GADL1: variants seen among roughly 807,000 people sequenced by gnomAD.
The protein encoded by GADL1 is acidic amino acid decarboxylase GADL1.
Under a neutral mutation model 69.5 loss-of-function variants are expected in GADL1, and 71 were observed. The ratio of observed to expected loss-of-function variants is 1.02; its 90% confidence interval spans 0.84 to 1.25. The LOEUF (loss-of-function observed/expected upper bound fraction) is 1.25. Ranked by LOEUF, GADL1 falls within the 50% of genes most tolerant of loss-of-function variation. The pLI is 0.00. For synonymous variants in GADL1, 254 were observed against 214.4 expected, an observed-to-expected ratio of 1.18 and a Z score of -1.62; for missense variants, 737 against 631.8, an observed-to-expected ratio of 1.17 and a Z score of -1.79.
At chr3:30,820,345 A>G (rs546997233) in intron 11 of GADL1, among the ~76,000 whole-genome samples, 1 of 152,168 alleles carries the variant, frequency 6.6e-6, no homozygotes, top group East Asian at 1.9e-4. Context: ...TGTTTACCGA[A>G]CATATTTTTG....
At chr3:30,856,919 C>A in intron 3 of GADL1, 96 bp downstream of exon 3, 1 of 968,540 alleles carries the variant, frequency 1.0e-6, no homozygotes, top group Non-Finnish European at 1.5e-6. Context: ...CCAGATTTCT[C>A]GTTCCATAAG....
chr3:30,789,171 C>T (rs1241028472), intron 12 of GADL1, among the ~76,000 whole-genome samples: 2 of 152,212 alleles, frequency 1.3e-5, no homozygotes, highest in Non-Finnish European at 2.9e-5. Flanking sequence ...GTCTAAATTA[C>T]TCCTTGATCC....
intron 14 of GADL1, among the ~76,000 whole-genome samples, chr3:30,751,715 G>T (rs1695823693): frequency 6.6e-6 from 1 of 152,132 alleles, no homozygotes; most frequent in African/African-American, 2.4e-5. Flanking sequence ...TAGACACGGA[G>T]ATCTATGCAC....
intron 11 of GADL1, among the ~76,000 whole-genome samples, chr3:30,833,238 G>C (rs1697819980): frequency 6.6e-6 from 1 of 152,000 alleles, no homozygotes. Context: ...AAAACACAGA[G>C]TTTATACCTC....
At chr3:30,771,054 G>A (rs894683407) in intron 14 of GADL1, among the ~76,000 whole-genome samples, 4 of 152,118 alleles carry the variant, frequency 2.6e-5, no homozygotes, top group Non-Finnish European at 5.9e-5. Context: ...TTAAACATGC[G>A]CATACAACAA....
intron 3 of GADL1, 61 bp downstream of exon 3, chr3:30,856,954 G>GC (rs1275358198): frequency 1.4e-6 from 2 of 1,405,792 alleles, no homozygotes; most frequent in Admixed American, 2.1e-5. Context: ...GCTTTGAGAG[G>GC]CTTTGCAAAC....
intron 11 of GADL1, among the ~76,000 whole-genome samples, chr3:30,822,880 T>C (rs1697611750): frequency 6.6e-6 from 1 of 152,016 alleles, no homozygotes; most frequent in African/African-American, 2.4e-5. Context: ...GTAGGGAGCA[T>C]GTCTTATTCA....
At chr3:30,751,883 T>A (rs1695828854) in intron 14 of GADL1, among the ~76,000 whole-genome samples, 1 of 152,214 alleles carries the variant, frequency 6.6e-6, no homozygotes, top group South Asian at 2.1e-4. Context: ...CTAGCTTCCC[T>A]TTTCATCCCC....
At position 30,844,439 on chromosome 3, in the gene GADL1, A is replaced by C. The variant is rs1218979435; in HGVS notation, c.679T>G (p.Ser227Ala). 1 of 1,613,114 alleles carries C rather than the reference A, an allele frequency of 6.2e-7. No individual in the cohort carries two copies. The highest frequency in any genetic ancestry group is 8.5e-7 in the Non-Finnish European group (1 of 1,179,070). ...ECHYSMKKAA[S>A]FLGIGTENVC... ...TTCTCAGTGCCAATCCCAAGAAAAG[A>C]GGCTGCCTTCTTCATAGAGTAATGA... Residue 227 changes from serine to alanine, a missense_variant, in exon 7 of 15, where the codon TCT (serine) becomes GCT (alanine). Ser to Ala is a moderately conservative substitution (Grantham distance 99). Coordinates refer to ENST00000282538, the MANE Select transcript of GADL1 (RefSeq NM_207359.3).
At chr3:30,806,371 T>C (rs552356860) in intron 11 of GADL1, among the ~76,000 whole-genome samples, 16 of 152,272 alleles carry the variant, frequency 1.1e-4, no homozygotes, top group African/African-American at 3.9e-4. Context: ...TGGGTTAATA[T>C]TTGTTGGCGT....
rs756657458 is a variant in GADL1 at position 30,728,349 on chromosome 3, G to A, written c.1459C>T (p.Arg487Trp). Residue 487 changes from arginine (R) to tryptophan (W), a missense_variant, in exon 15 of 15, where the codon CGG becomes TGG. Physicochemically the swap from Arg to Trp is moderately radical, Grantham distance 101. Coordinates refer to ENST00000282538, the MANE Select transcript of GADL1 (RefSeq NM_207359.3). Reference protein sequence around the residue: ...GSLMLGYQPHRGKVNFFRQVV... With the variant: ...GSLMLGYQPHWGKVNFFRQVV... ...TGGCGGAAGAAGTTGACCTTTCCCCGGTGCGGCTGGTAGCCCAGCATCAAG... is the reference window on the plus strand; with the variant it reads ...TGGCGGAAGAAGTTGACCTTTCCCCAGTGCGGCTGGTAGCCCAGCATCAAG... 20 of 1,613,656 alleles carry A rather than the reference G, an allele frequency of 1.2e-5. No homozygotes were observed. The highest frequency in any genetic ancestry group is 3.3e-5 in the Admixed American group (2 of 59,958).
At chr3:30,876,793 T>C (rs1698582339) in intron 1 of GADL1, among the ~76,000 whole-genome samples, 1 of 151,940 alleles carries the variant, frequency 6.6e-6, no homozygotes, top group Admixed American at 6.6e-5. Flanking sequence ...TAGCCAACTT[T>C]CTTGTTCTTC....
Position 30,870,598 on chromosome 3 carries a change from G to A in GADL1, c.38-8833C>T, listed in dbSNP as rs150206515. Among the ~76,000 whole-genome samples the A allele has an allele frequency of 2.6e-5, 4 of 151,794 alleles. 1 individual carries two copies. Among genetic ancestry groups the A allele is most frequent in the African/African-American group, 4.8e-5 (2 of 41,280 alleles). On this transcript the variant is annotated intron_variant, in intron 1 of 14. Transcript: ENST00000282538. ...TTTATGGAAGATTCCTCTGGATGCC[G>A]TGTAGAGAATGAACTGTCAAAAGAC...
intron 2 of GADL1, among the ~76,000 whole-genome samples, chr3:30,857,744 A>C (rs1443273313): frequency 1.3e-5 from 2 of 151,916 alleles, no homozygotes; most frequent in African/African-American, 2.4e-5. Flanking sequence ...AAGATATAAA[A>C]TGATCCTTTA....
Position 30,727,357 on chromosome 3 carries a change from C to A in GADL1, c.*885G>T, listed in dbSNP as rs562087432. Reference sequence around the variant, plus strand: ...ATTTATTAATAGAACCTGTATTTTTCTGTCAATTATTGTGCTTTCAATTAT... The same window carrying A: ...ATTTATTAATAGAACCTGTATTTTTATGTCAATTATTGTGCTTTCAATTAT... On this transcript the variant is annotated 3_prime_UTR_variant, in exon 15 of 15. Transcript: ENST00000282538. 1 of 149,338 alleles carries A rather than the reference C, an allele frequency of 6.7e-6. No homozygotes were observed. The highest frequency in any genetic ancestry group is 2.1e-4 in the South Asian group (1 of 4,748). The allele number at this position is 149,338 out of a possible 1,614,324, so 9.3% of individuals were successfully genotyped here.
In GADL1 at chr3:30,854,686, G is replaced by A. The variant is rs1436366582; in HGVS notation, c.428+13C>T. Reference sequence around the variant, plus strand: ...CCACGTTTGGTGTGAAATTTCTATAGCATGGCACTTACACACTTGGATTCA... The same window carrying A: ...CCACGTTTGGTGTGAAATTTCTATAACATGGCACTTACACACTTGGATTCA... On this transcript the variant is annotated intron_variant, in intron 4 of 14. Coordinates refer to ENST00000282538, the MANE Select transcript of GADL1 (RefSeq NM_207359.3). 8.7e-6 allele frequency: 13 copies of A among 1,488,888 alleles called. No homozygotes were observed. Among genetic ancestry groups the A allele is most frequent in the Middle Eastern group, 1.7e-4 (1 of 5,904 alleles). The allele number at this position is 1,488,888 out of a possible 1,614,324, so 92.2% of individuals were successfully genotyped here. A position where few individuals can be genotyped will look rare whatever the true frequency, so the allele number is the denominator to read the frequency against.
intron 12 of GADL1, among the ~76,000 whole-genome samples, chr3:30,792,607 G>A (rs1696948172): frequency 2.0e-5 from 3 of 152,058 alleles, no homozygotes; most frequent in African/African-American, 7.2e-5. Context: ...TAATTCATAA[G>A]GCCATTTGTC....
At chr3:30,778,839 T>C (rs937679314) in intron 13 of GADL1, 6 of 152,328 alleles carry the variant, frequency 3.9e-5, no homozygotes, top group African/African-American at 1.4e-4. Flanking sequence ...TCAGTAAAAG[T>C]GCGAATTAGC....
intron 11 of GADL1, among the ~76,000 whole-genome samples, chr3:30,809,756 A>T (rs985414918): frequency 6.6e-6 from 1 of 152,194 alleles, no homozygotes; most frequent in African/African-American, 2.4e-5. Context: ...TCATATTTTT[A>T]TATTACTTGG....
Sources: allele counts gnomAD v4.1 joint callset (sites outside exome capture counted in the v4.1 genomes callset), GRCh38; gene constraint gnomAD v4.1.1; transcripts MANE v1.5; gene names NCBI Gene and HGNC (gene_info 2026-07-23, HGNC 2026-07-21).